Variants in DENND5B observed in about 807,000 individuals in gnomAD.
DENND5B encodes DENN domain containing 5B, also known as DENN domain-containing protein 5B.
DENND5B carries 34 observed loss-of-function variants against 140.6 expected under a neutral mutation model. That is an observed-to-expected ratio of 0.24 (90% confidence interval 0.18 to 0.32). The LOEUF is 0.32. DENND5B is among the 10% of genes least tolerant of loss of function. The pLI is 1.00. For synonymous variants in DENND5B, 551 were observed against 562.1 expected (o/e 0.98, Z 0.28); for missense variants, 1,142 against 1,560.2 (o/e 0.73, Z 4.52).
rs58109707 is a variant in DENND5B, at chr12:31,494,138, TTCTATCTATCTATCTATCTATCTA to T, written c.237+1648_237+1671del. On this transcript the variant is annotated intron_variant, in intron 2 of 20. Transcript: ENST00000389082. ...TCTCAAGGTTGACTATCTCTCTATC[TTCTATCTATCTATCTATCTATCTA>T]TCTATCTATCTATCTATCTATCCAT... 2.0e-3 allele frequency among the ~76,000 whole-genome samples: 278 copies of T among 139,850 alleles called. 3 individuals are homozygous for T. The highest frequency in any genetic ancestry group is 7.0e-3 in the African/African-American group (263 of 37,612). 91.7% of individuals were successfully genotyped at this position (139,850 alleles called of 152,430 possible).
At chr12:31,414,942 T>C (rs1289662128) in intron 12 of DENND5B, among the ~76,000 whole-genome samples, 1 of 141,966 alleles carries the variant, frequency 7.0e-6, no homozygotes, top group Non-Finnish European at 1.5e-5. Context: ...AAAAAGCCCC[T>C]GTCTCTACTA....
chr12:31,512,105 C>T (rs572989807), intron 1 of DENND5B, among the ~76,000 whole-genome samples: 85 of 151,324 alleles, frequency 5.6e-4, no homozygotes, highest in African/African-American at 1.8e-3. Flanking sequence ...TTAGTAGAGA[C>T]GGGGTTTCAC....
chr12:31,545,213 T>C (rs1026594682), intron 1 of DENND5B, among the ~76,000 whole-genome samples: 2 of 152,212 alleles, frequency 1.3e-5, no homozygotes, highest in African/African-American at 4.8e-5. Context: ...TTTCATTTCC[T>C]TTCCTATTTA....
intron 3 of DENND5B, among the ~76,000 whole-genome samples, chr12:31,464,026 A>T (rs908929987): frequency 6.6e-6 from 1 of 152,246 alleles, no homozygotes; most frequent in Non-Finnish European, 1.5e-5. Flanking sequence ...TTTTAACTGA[A>T]TCAAGAAATA....
At chr12:31,451,679 A>T (rs925910209) in intron 5 of DENND5B, 1 of 412,370 alleles carries the variant, frequency 2.4e-6, no homozygotes. Context: ...ATGAGATTAC[A>T]GGCAATTTAA....
intron 1 of DENND5B, among the ~76,000 whole-genome samples, chr12:31,538,796 G>A (rs1173561797): frequency 6.6e-6 from 1 of 152,158 alleles, no homozygotes; most frequent in African/African-American, 2.4e-5. Context: ...TTGAACCTGG[G>A]AGGTGGAGGT....
In DENND5B at chr12:31,512,158, G is replaced by A. The variant is rs138790765; in HGVS notation, c.128-16239C>T. Among the ~76,000 whole-genome samples, 144 of 151,624 alleles carry A rather than the reference G, an allele frequency of 9.5e-4. 2 individuals are homozygous for A. The East Asian group carries it at 0.025, about 26-fold the overall frequency. On this transcript the variant is annotated intron_variant, in intron 1 of 20. Coordinates refer to ENST00000389082, the MANE Select transcript of DENND5B (RefSeq NM_144973.4). ...TCTCGAACTCCTGATCTTGTGATCT[G>A]CCCGCCTCGGCCTCCTAAAGTGTTG...
At chr12:31,392,491 A>T in intron 18 of DENND5B, 98 bp from the exon 19 acceptor site, 1 of 1,557,360 alleles carries the variant, frequency 6.4e-7, no homozygotes. Flanking sequence ...TATATGAAGC[A>T]TGTTTTTACA....
At chr12:31,499,083 G>A (rs1479891530) in intron 1 of DENND5B, among the ~76,000 whole-genome samples, 1 of 151,868 alleles carries the variant, frequency 6.6e-6, no homozygotes. Context: ...GAGAGATGGG[G>A]GAACAACCTA....
At chr12:31,462,538 C>T (rs1050610643) in intron 3 of DENND5B, among the ~76,000 whole-genome samples, 2 of 152,154 alleles carry the variant, frequency 1.3e-5, no homozygotes, top group African/African-American at 4.8e-5. Context: ...GAGTGGCATC[C>T]ACTTTCTCTG....
chr12:31,429,104 C>A (rs1252066575), intron 8 of DENND5B, among the ~76,000 whole-genome samples: 2 of 151,768 alleles, frequency 1.3e-5, no homozygotes, highest in African/African-American at 4.8e-5. Context: ...AAACTCCTGA[C>A]CCTGTGATCC....
chr12:31,438,092 C>G (rs987944823), intron 7 of DENND5B, among the ~76,000 whole-genome samples: 1 of 152,182 alleles, frequency 6.6e-6, no homozygotes, highest in African/African-American at 2.4e-5. Context: ...TCTCCTGCCT[C>G]AGCCTCCCGA....
intron 11 of DENND5B, among the ~76,000 whole-genome samples, chr12:31,416,172 T>A (rs1315875381): frequency 6.6e-6 from 1 of 151,944 alleles, no homozygotes; most frequent in Non-Finnish European, 1.5e-5. Context: ...TGGAACTGCT[T>A]TTGGAAATTT....
chr12:31,462,007 A>C (rs571178556), intron 3 of DENND5B, among the ~76,000 whole-genome samples: 1 of 152,340 alleles, frequency 6.6e-6, no homozygotes, highest in African/African-American at 2.4e-5. Flanking sequence ...ATGAATCATC[A>C]GTTATCCACA....
chr12:31,438,558 G>T (rs1388278893), intron 7 of DENND5B, among the ~76,000 whole-genome samples: 1 of 151,916 alleles, frequency 6.6e-6, no homozygotes, highest in African/African-American at 2.4e-5. Flanking sequence ...CTGTAAAAAG[G>T]ATACAAAAAG....
At chr12:31,529,009 A>G (rs1171300717) in intron 1 of DENND5B, among the ~76,000 whole-genome samples, 1 of 151,898 alleles carries the variant, frequency 6.6e-6, no homozygotes, top group Non-Finnish European at 1.5e-5. Context: ...AAAAAACACA[A>G]AAATTAGCTG....
chr12:31,535,293 T>A (rs1233335242), intron 1 of DENND5B: 1 of 177,328 alleles, frequency 5.6e-6, no homozygotes, highest in East Asian at 1.8e-4. Flanking sequence ...GGGATAAAGA[T>A]ATACTCATGG....
intron 1 of DENND5B, among the ~76,000 whole-genome samples, chr12:31,556,006 G>A (rs183711650): frequency 4.3e-4 from 65 of 152,318 alleles, no homozygotes; most frequent in African/African-American, 1.3e-3. Flanking sequence ...TGCGCTTCCC[G>A]GGTGAGGTGA....
chr12:31,587,450 T>G (rs1266399937), intron 1 of DENND5B, among the ~76,000 whole-genome samples: 1 of 150,280 alleles, frequency 6.7e-6, no homozygotes, highest in African/African-American at 2.4e-5. Context: ...TCGTTGGGCC[T>G]ACCTTCAACA....
Sources: allele counts gnomAD v4.1 joint callset (sites outside exome capture counted in the v4.1 genomes callset), GRCh38; gene constraint gnomAD v4.1.1; transcripts MANE v1.5; gene names NCBI Gene and HGNC (gene_info 2026-07-23, HGNC 2026-07-21).